CLIC5: variants seen among roughly 807,000 people sequenced by gnomAD.
CLIC5 encodes the protein chloride intracellular channel protein 5.
A neutral mutation model predicts 24.7 loss-of-function variants in CLIC5; 20 were observed. The observed-to-expected ratio is 0.81, with a 90% CI of 0.57 to 1.18. CLIC5 has a LOEUF of 1.18. CLIC5 is among the 50% of genes most tolerant of loss of function. The pLI is 0.00. For missense variants in CLIC5, 341 were observed against 326.1 expected (o/e 1.05, Z -0.35); for synonymous variants, 159 against 135.6 (o/e 1.17, Z -1.20).
intron 4 of CLIC5, among the ~76,000 whole-genome samples, chr6:45,936,568 G>A (rs1258136644): frequency 6.6e-6 from 1 of 152,046 alleles, no homozygotes; most frequent in Admixed American, 6.6e-5. Context: ...GGTATACACA[G>A]TTATTACCCC....
the CLIC5 span, among the ~76,000 whole-genome samples, chr6:46,088,756 T>C: frequency 6.6e-6 from 1 of 152,218 alleles, no homozygotes; most frequent in Non-Finnish European, 1.5e-5. Context: ...CTAGCTAATC[T>C]CATTTGTTGA....
intron 1 of CLIC5, among the ~76,000 whole-genome samples, chr6:46,035,951 T>C (rs12661227): frequency 1.3e-5 from 2 of 152,204 alleles, no homozygotes; most frequent in Admixed American, 1.3e-4. Context: ...TTCACCATGT[T>C]GGCCAGGATG....
chr6:46,006,939 T>C (rs1354680118), intron 1 of CLIC5, among the ~76,000 whole-genome samples: 1 of 152,196 alleles, frequency 6.6e-6, no homozygotes, highest in Non-Finnish European at 1.5e-5. Context: ...CCCAAAGTGC[T>C]GAGATTACAG....
chr6:45,918,863 A>G, intron 4 of CLIC5: 1 of 758,780 alleles, frequency 1.3e-6, no homozygotes. Flanking sequence ...TTAAACACAC[A>G]ATGAGGCTAT....
At chr6:45,895,706 C>T (rs4473854), downstream of CLIC5, among the ~76,000 whole-genome samples, 57,545 of 152,044 alleles carry the variant, frequency 0.38, 11,028 homozygotes, top group East Asian at 0.46. Flanking sequence ...GAATAACCTA[C>T]GCTCTATCTC....
Position 45,881,100 on chromosome 6 carries a change from A to AT in CLIC5, c.711dup (p.Trp238MetfsTer26), listed in dbSNP as rs1251862807. The AT allele has an allele frequency of 7.5e-6, 3 of 397,936 alleles. No individual in the cohort carries two copies. Among genetic ancestry groups the AT allele is most frequent in the African/African-American group, 2.1e-5 (1 of 48,516 alleles). 24.7% of individuals were successfully genotyped at this position (397,936 alleles called of 1,614,324 possible). A position where few individuals can be genotyped will look rare whatever the true frequency, so the allele number is the denominator to read the frequency against. On this transcript the variant is annotated frameshift_variant, in exon 7 of 7. Transcript: ENST00000644324. LOFTEE classifies it high-confidence loss of function. ...TAGAAATTTCAGTAGAAAGAATCCC[A>AT]TTTTTTTCTTCTTTCTCTAGCTTCT...
intron 1 of CLIC5, among the ~76,000 whole-genome samples, chr6:46,000,766 GAAACAACCCCCAAGATTCAA>G: frequency 1.3e-5 from 2 of 152,204 alleles, no homozygotes; most frequent in South Asian, 4.2e-4. Flanking sequence ...CAGCATGGGG[GAAACAACCCCCAAGATTCAA>G]TTACCTCCCA....
chr6:45,986,728 T>C (rs2127419372), intron 1 of CLIC5, among the ~76,000 whole-genome samples: 1 of 152,112 alleles, frequency 6.6e-6, no homozygotes, highest in Middle Eastern at 3.4e-3. Context: ...AGAGCTGAGA[T>C]TTCCTCTGTG....
chr6:45,977,036 G>A (rs1765409509), intron 1 of CLIC5, among the ~76,000 whole-genome samples: 1 of 151,808 alleles, frequency 6.6e-6, no homozygotes, highest in Non-Finnish European at 1.5e-5. Context: ...TTCCTTTCAG[G>A]GCTTTGTCTT....
intron 1 of CLIC5, among the ~76,000 whole-genome samples, chr6:46,058,769 A>T (rs1370765186): frequency 6.6e-6 from 1 of 152,208 alleles, no homozygotes; most frequent in Non-Finnish European, 1.5e-5. Flanking sequence ...GAAGAAAAAA[A>T]TCCCAGATTC....
At chr6:46,011,730 C>G (rs751101758) in intron 1 of CLIC5, among the ~76,000 whole-genome samples, 6 of 152,194 alleles carry the variant, frequency 3.9e-5, no homozygotes, top group Admixed American at 3.3e-4. Flanking sequence ...CTGTGTTTGT[C>G]TTTTCAAATT....
exon 7 of CLIC5, chr6:45,881,178 C>T (rs1475439858): frequency 1.0e-5 from 4 of 397,522 alleles, no homozygotes; most frequent in Non-Finnish European, 1.8e-5. Context: ...TTTTTTTCAA[C>T]AAAAAGAAAG....
chr6:45,940,215 C>T lies in CLIC5; in HGVS notation c.406+1332G>A, dbSNP rs138719144. 8.2e-3 allele frequency among the ~76,000 whole-genome samples: 1,246 copies of T among 152,290 alleles called. 21 individuals carry two copies. The highest frequency in any genetic ancestry group is 0.028 in the Admixed American group (428 of 15,294). On this transcript the variant is annotated intron_variant, in intron 4 of 5. Coordinates refer to ENST00000339561, the MANE Select transcript of CLIC5 (RefSeq NM_016929.5). ...CCAGAAAAGGAGTCTCATGCATTTACCCCCATGGTAAATGCTTCTGGTTCT... is the reference window on the plus strand; with the variant it reads ...CCAGAAAAGGAGTCTCATGCATTTATCCCCATGGTAAATGCTTCTGGTTCT...
At chr6:46,023,865 C>A (rs1767253863) in intron 1 of CLIC5, among the ~76,000 whole-genome samples, 1 of 149,374 alleles carries the variant, frequency 6.7e-6, no homozygotes, top group Non-Finnish European at 1.5e-5. Flanking sequence ...GGACGGAGTC[C>A]AAGATAAATA....
chr6:46,015,755 G>T lies in CLIC5; in HGVS notation c.-213C>A. 1 of 1,235,248 alleles carries T rather than the reference G, an allele frequency of 8.1e-7. No individual in the cohort carries two copies. Among genetic ancestry groups the T allele is most frequent in the Non-Finnish European group, 1.0e-6 (1 of 989,378 alleles). The allele number at this position is 1,235,248 out of a possible 1,614,324, so 76.5% of individuals were successfully genotyped here. A position where few individuals can be genotyped will look rare whatever the true frequency, so the allele number is the denominator to read the frequency against. On this transcript the variant is annotated 5_prime_UTR_variant, in exon 1 of 6. Coordinates refer to ENST00000339561, the MANE Select transcript of CLIC5 (RefSeq NM_016929.5). ...ACATGAAAAGGAGCGAAGCCGGGAG[G>T]AGGCGGGGGGCCACGGGGAAAGCCG... is the stretch of plus-strand genomic sequence containing the variant.
At chr6:46,050,853 A>ATGTGTGTGTGTGTG (rs56660827) in intron 1 of CLIC5, among the ~76,000 whole-genome samples, 1,925 of 148,660 alleles carry the variant, frequency 0.013, 20 homozygotes, top group Admixed American at 0.02. Flanking sequence ...GTGTGTGTGT[A>ATGTGTGTGTGTGTG]TGTGTGTGTG....
At chr6:45,969,733 G>A (rs538044225) in intron 1 of CLIC5, among the ~76,000 whole-genome samples, 29 of 150,146 alleles carry the variant, frequency 1.9e-4, no homozygotes, top group Non-Finnish European at 3.2e-4. Context: ...GTAAACTGCT[G>A]AAGACAGAGG....
intron 6 of CLIC5, among the ~76,000 whole-genome samples, chr6:45,888,857 A>G (rs1268693328): frequency 6.6e-6 from 1 of 152,088 alleles, no homozygotes; most frequent in African/African-American, 2.4e-5. Context: ...TGTTCCCTTA[A>G]TTTTTTATAA....
intron 4 of CLIC5, among the ~76,000 whole-genome samples, chr6:45,936,196 C>CTTTTTTTTTT (rs60969238): frequency 2.5e-5 from 2 of 80,238 alleles, no homozygotes; most frequent in African/African-American, 5.0e-5. Context: ...CAACGGCTGA[C>CTTTTTTTTTT]TTTTTTTTTT....
Sources: allele counts gnomAD v4.1 joint callset (sites outside exome capture counted in the v4.1 genomes callset), GRCh38; gene constraint gnomAD v4.1.1; transcripts MANE v1.5; gene names NCBI Gene and HGNC (gene_info 2026-07-23, HGNC 2026-07-21).